Variants in MIR17HG observed in about 807,000 individuals in gnomAD.
MIR17HG encodes miR-17-92a-1 cluster host gene, also known as MIR17 host gene (non-protein coding).
chr13:91,350,736 A>G, intron 3 of MIR17HG: 1 of 534,098 alleles, frequency 1.9e-6, no homozygotes, highest in Non-Finnish European at 3.9e-6. Context: ...GGGCCTGCTG[A>G]TGTTGAGTGC....
At chr13:91,353,109 CAAAAAAAAAAAAAAA>C (rs549062236) in intron 3 of MIR17HG, among the ~76,000 whole-genome samples, 1 of 28,858 alleles carries the variant, frequency 3.5e-5, no homozygotes. Flanking sequence ...GACTTAAACG[CAAAAAAAAAAAAAAA>C]AAAAAAAAAA....
intron 3 of MIR17HG, among the ~76,000 whole-genome samples, chr13:91,353,487 T>C (rs533480782): frequency 6.6e-6 from 1 of 152,234 alleles, no homozygotes; most frequent in African/African-American, 2.4e-5. Context: ...GGCTTTAGAA[T>C]GTGAGGCAAA....
At chr13:91,353,808 G>C (rs1875443405) in intron 3 of MIR17HG, 1 of 147,396 alleles carries the variant, frequency 6.8e-6, no homozygotes, top group African/African-American at 2.5e-5. Flanking sequence ...GCGTTTGCAT[G>C]TACAACTTTC....
chr13:91,352,030 A>G (rs1875342601), intron 3 of MIR17HG: 1 of 153,128 alleles, frequency 6.5e-6, no homozygotes, highest in Non-Finnish European at 1.5e-5. Flanking sequence ...AGTTAGAAAA[A>G]GAACAAATGC....
intron 1 of MIR17HG, among the ~76,000 whole-genome samples, chr13:91,348,176 C>G (rs1183509064): frequency 8.3e-3 from 56 of 6,742 alleles, no homozygotes; most frequent in Non-Finnish European, 0.017. Context: ...GGGGCAGGGC[C>G]GGGGCGGGAG....
intron 1 of MIR17HG, among the ~76,000 whole-genome samples, chr13:91,349,392 T>C (rs1387841661): frequency 6.6e-6 from 1 of 152,028 alleles, no homozygotes; most frequent in South Asian, 2.1e-4. Flanking sequence ...TTTTTTTTTT[T>C]CCTTTTACTG....
chr13:91,348,291 C>T (rs1025913851), intron 1 of MIR17HG, among the ~76,000 whole-genome samples: 2 of 150,324 alleles, frequency 1.3e-5, no homozygotes, highest in African/African-American at 4.9e-5. Context: ...ACAATGGCCC[C>T]TCGGGGAGAG....
intron 3 of MIR17HG, chr13:91,351,005 T>G: frequency 1.9e-6 from 1 of 529,314 alleles, no homozygotes. Context: ...TTTACTAATT[T>G]TGTGTACTTT....
In MIR17HG at chr13:91,353,109, C is replaced by CAAAAA. The variant is rs549062236; in HGVS notation, n.285-801_285-797dup. Among the ~76,000 whole-genome samples the CAAAAA allele has an allele frequency of 2.8e-4, 8 of 28,886 alleles. 1 individual carries two copies. The highest frequency in any genetic ancestry group is 4.6e-4 in the Non-Finnish European group (7 of 15,348). 19.0% of individuals were successfully genotyped at this position (28,886 alleles called of 152,430 possible). Reference sequence around the variant, plus strand: ...TGGGCGCAAGACCAAGACTTAAACGCAAAAAAAAAAAAAAAAAAAAAAAAA... The same window carrying CAAAAA: ...TGGGCGCAAGACCAAGACTTAAACGCAAAAAAAAAAAAAAAAAAAAAAAAAAAAAA... On this transcript the variant is annotated intron_variant and non_coding_transcript_variant, in intron 3 of 3. Coordinates refer to ENST00000400282, the Ensembl canonical transcript of MIR17HG.
chr13:91,350,432 A>G, intron 3 of MIR17HG: 1 of 364,806 alleles, frequency 2.7e-6, no homozygotes, highest in Admixed American at 3.4e-5. Flanking sequence ...ACGTGTCTAA[A>G]TGGACCTCAT....
chr13:91,348,744 G>A (rs569453652), intron 1 of MIR17HG, among the ~76,000 whole-genome samples: 1 of 150,474 alleles, frequency 6.6e-6, no homozygotes, highest in African/African-American at 2.4e-5. Context: ...GGGAGGGCCA[G>A]CCCGGCTCGG....
chr13:91,349,727 G>A (rs1037320649), exon 2 of MIR17HG: 2 of 152,102 alleles, frequency 1.3e-5, no homozygotes, highest in Non-Finnish European at 2.9e-5. Flanking sequence ...TGCACCAGTA[G>A]CTTTTCTGAG....
At chr13:91,350,089 T>C (rs938826966) in intron 2 of MIR17HG, 3 of 157,384 alleles carry the variant, frequency 1.9e-5, no homozygotes, top group African/African-American at 7.2e-5. Context: ...ATTTACGTTC[T>C]GCTACAATTG....
chr13:91,348,320 C>T (rs1249143598), intron 1 of MIR17HG, among the ~76,000 whole-genome samples: 1 of 149,404 alleles, frequency 6.7e-6, no homozygotes, highest in Non-Finnish European at 1.5e-5. Context: ...AGGCCCGTGC[C>T]TTCTCCGGGG....
chr13:91,354,574 G>T (rs922268450), exon 4 of MIR17HG: 1 of 152,222 alleles, frequency 6.6e-6, no homozygotes, highest in East Asian at 1.9e-4. Flanking sequence ...AAACTTCAAG[G>T]TTATTATCGC....
intron 1 of MIR17HG, among the ~76,000 whole-genome samples, chr13:91,348,534 G>C (rs1344396838): frequency 6.6e-6 from 1 of 151,400 alleles, no homozygotes; most frequent in African/African-American, 2.4e-5. Context: ...AACTTTGTAC[G>C]CGCGAGGGTG....
intron 1 of MIR17HG, among the ~76,000 whole-genome samples, chr13:91,349,098 A>G (rs1030289228): frequency 6.6e-6 from 1 of 151,746 alleles, no homozygotes; most frequent in African/African-American, 2.4e-5. Flanking sequence ...GGAGAATCGC[A>G]GGGCCGCGCT....
At chr13:91,351,826 T>C (rs766617688) in intron 3 of MIR17HG, 1 of 160,512 alleles carries the variant, frequency 6.2e-6, no homozygotes, top group Non-Finnish European at 1.4e-5. Context: ...TGAGTTTTTT[T>C]AAGCATGGAA....
At chr13:91,349,701 T>TA (rs1594012899) in exon 2 of MIR17HG, 1 of 152,218 alleles carries the variant, frequency 6.6e-6, no homozygotes, top group African/African-American at 2.4e-5. Context: ...ATTCCAGTCA[T>TA]ACACGTGGAC....
Sources: gnomAD v4.1 joint callset for allele counts (sites outside exome capture counted in the v4.1 genomes callset) on GRCh38, gnomAD v4.1.1 for gene constraint, MANE v1.5 for transcripts, NCBI Gene and HGNC (gene_info 2026-07-23, HGNC 2026-07-21) for gene names.